SOX6: variants seen among roughly 807,000 people sequenced by gnomAD.
SOX6 encodes transcription factor SOX-6.
A neutral mutation model predicts 97.8 loss-of-function variants in SOX6; 11 were observed. The ratio of observed to expected loss-of-function variants is 0.11; its 90% CI spans 0.07 to 0.19. SOX6 has a LOEUF of 0.19. SOX6 is among the 10% of genes least tolerant of loss of function. SOX6 has a pLI of 1.00. For missense variants in SOX6, 810 were observed against 1,039.5 expected, an observed-to-expected ratio of 0.78 and a Z score of 3.04; for synonymous variants, 360 against 371.4, an observed-to-expected ratio of 0.97 and a Z score of 0.35.
At chr11:16,695,394 T>C (rs1264541205) in intron 3 of SOX6, among the ~76,000 whole-genome samples, 1 of 152,198 alleles carries the variant, frequency 6.6e-6, no homozygotes, top group Non-Finnish European at 1.5e-5. Context: ...TAATCAAAAC[T>C]GGAATGTAAG....
chr11:16,252,911 G>A (rs1853559087), intron 3 of SOX6, among the ~76,000 whole-genome samples: 1 of 152,048 alleles, frequency 6.6e-6, no homozygotes, highest in African/African-American at 2.4e-5. Flanking sequence ...GTAATCATAG[G>A]ACTATGGAAT....
intron 3 of SOX6, among the ~76,000 whole-genome samples, chr11:16,614,741 G>T (rs1006599119): frequency 2.6e-5 from 4 of 152,140 alleles, no homozygotes; most frequent in African/African-American, 9.7e-5. Context: ...GTCCTCCTCG[G>T]TGAACTGTGC....
At chr11:16,322,574 T>C in intron 2 of SOX6, among the ~76,000 whole-genome samples, 1 of 152,176 alleles carries the variant, frequency 6.6e-6, no homozygotes, top group East Asian at 1.9e-4. Context: ...TCTTAATGCA[T>C]GTCACTGCAG....
At chr11:16,496,326 AAAAAC>A (rs1860594973) in intron 4 of SOX6, among the ~76,000 whole-genome samples, 1 of 152,120 alleles carries the variant, frequency 6.6e-6, no homozygotes, top group Non-Finnish European at 1.5e-5. Flanking sequence ...TTAAAAAAAA[AAAAAC>A]AGAGGGTGGA....
intron 1 of SOX6, among the ~76,000 whole-genome samples, chr11:16,396,714 A>G (rs1565130098): frequency 6.6e-6 from 1 of 151,542 alleles, no homozygotes; most frequent in South Asian, 2.1e-4. Flanking sequence ...TGAAAGGTTC[A>G]TTTTTGTAAT....
chr11:16,141,381 C>T (rs988968473), intron 6 of SOX6, among the ~76,000 whole-genome samples: 17 of 152,038 alleles, frequency 1.1e-4, no homozygotes, highest in South Asian at 2.1e-4. Context: ...ATAGAACCAA[C>T]GGCAGTTCCA....
chr11:16,337,736 T>C (rs1856506639), intron 2 of SOX6, among the ~76,000 whole-genome samples: 1 of 152,128 alleles, frequency 6.6e-6, no homozygotes, highest in Admixed American at 6.6e-5. Context: ...TATAAATAGG[T>C]AATTATGATT....
intron 4 of SOX6, among the ~76,000 whole-genome samples, chr11:16,564,088 A>G (rs1158389109): frequency 1.3e-5 from 2 of 152,174 alleles, no homozygotes; most frequent in Non-Finnish European, 2.9e-5. Context: ...CAGCAGACCC[A>G]CTCTAAAAAA....
Position 16,647,997 on chromosome 11 carries a change from G to C in SOX6, n.430-35737C>G, listed in dbSNP as rs117415553. ...CTGAAATTGGTAGTAGGTTCAACTGGGCACAAATTTTCTTGAGCAGAGTCT... is the reference window on the plus strand; with the variant it reads ...CTGAAATTGGTAGTAGGTTCAACTGCGCACAAATTTTCTTGAGCAGAGTCT... On this transcript the variant is annotated intron_variant and non_coding_transcript_variant, in intron 3 of 5. Coordinates refer to the SOX6 transcript ENST00000524520. 5.8e-3 allele frequency among the ~76,000 whole-genome samples: 889 copies of C among 152,160 alleles called. 1 individual carries two copies. The highest frequency in any genetic ancestry group is 9.6e-3 in the Non-Finnish European group (655 of 67,998).
At chr11:16,096,206 G>C in intron 8 of SOX6, 88 bp from the exon 9 acceptor site, 1 of 1,450,570 alleles carries the variant, frequency 6.9e-7, no homozygotes, top group Non-Finnish European at 9.5e-7. Context: ...TAAATCCAGG[G>C]TATTGACCAC....
intron 1 of SOX6, among the ~76,000 whole-genome samples, chr11:16,401,680 T>C (rs1041425413): frequency 2.0e-5 from 3 of 151,528 alleles, no homozygotes; most frequent in African/African-American, 7.3e-5. Context: ...CTCTAAAGTT[T>C]CATTATATTA....
At chr11:16,318,255 C>T (rs544987905) in intron 3 of SOX6, 191 bp downstream of exon 3, 139 of 620,134 alleles carry the variant, frequency 2.2e-4, no homozygotes, top group Non-Finnish European at 2.8e-4. Flanking sequence ...TTTAGAAAAA[C>T]GGAGCTATCT....
chr11:16,699,956 C>G (rs559346519), intron 3 of SOX6, among the ~76,000 whole-genome samples: 2 of 151,892 alleles, frequency 1.3e-5, no homozygotes, highest in Non-Finnish European at 2.9e-5. Flanking sequence ...TAGAATTATA[C>G]TGGTGAGCAA....
chr11:16,412,163 CTATT>C (rs1476866580), intron 1 of SOX6, among the ~76,000 whole-genome samples: 1 of 152,150 alleles, frequency 6.6e-6, no homozygotes, highest in Non-Finnish European at 1.5e-5. Context: ...TGGATTTTAT[CTATT>C]TATATCATCT....
At chr11:16,641,041 G>A (rs1848903928) in intron 3 of SOX6, among the ~76,000 whole-genome samples, 1 of 152,084 alleles carries the variant, frequency 6.6e-6, no homozygotes, top group South Asian at 2.1e-4. Context: ...TCTCTTGTGG[G>A]CATTTAGTGC....
intron 2 of SOX6, among the ~76,000 whole-genome samples, chr11:16,328,267 T>C (rs1856163609): frequency 6.6e-6 from 1 of 152,168 alleles, no homozygotes; most frequent in Non-Finnish European, 1.5e-5. Context: ...TGGTATATAT[T>C]CTCCTTCATT....
chr11:16,693,843 A>G (rs544234188), intron 3 of SOX6, among the ~76,000 whole-genome samples: 2 of 152,180 alleles, frequency 1.3e-5, no homozygotes, highest in African/African-American at 4.8e-5. Flanking sequence ...GAAAACACTA[A>G]TAATTCACTC....
intron 4 of SOX6, among the ~76,000 whole-genome samples, chr11:16,572,032 C>T (rs996336648): frequency 1.3e-5 from 2 of 152,122 alleles, no homozygotes; most frequent in African/African-American, 4.8e-5. Context: ...TATTTTGAAA[C>T]ATAATCAAAC....
At chr11:16,580,113 A>G (rs1848018806) in intron 4 of SOX6, among the ~76,000 whole-genome samples, 1 of 152,180 alleles carries the variant, frequency 6.6e-6, no homozygotes, top group South Asian at 2.1e-4. Context: ...GAAAAGCAGT[A>G]AAGACATTAC....
Sources: gnomAD v4.1 joint callset for allele counts (sites outside exome capture counted in the v4.1 genomes callset) on GRCh38, gnomAD v4.1.1 for gene constraint, MANE v1.5 for transcripts, NCBI Gene and HGNC (gene_info 2026-07-23, HGNC 2026-07-21) for gene names.